The following EPB41L4A variants were observed in gnomAD, a reference collection of about 807,000 sequenced individuals.
EPB41L4A encodes band 4.1-like protein 4A.
In EPB41L4A, 100 loss-of-function variants were observed where a neutral mutation model predicts 108.6. The ratio of observed to expected loss-of-function variants is 0.92; its 90% confidence interval spans 0.78 to 1.09. EPB41L4A has a LOEUF of 1.09. Ranked by LOEUF, EPB41L4A falls within the 50% of genes least tolerant of loss-of-function variation. The probability of loss-of-function intolerance (pLI) is 0.00; values close to 1 mark genes in which losing one functional copy is unlikely to be tolerated. For synonymous variants in EPB41L4A, 319 were observed against 289.0 expected, an observed-to-expected ratio of 1.10 and a Z score of -1.05; for missense variants, 1,030 against 842.7, an observed-to-expected ratio of 1.22 and a Z score of -2.75.
At position 112,228,728 on chromosome 5, in the gene EPB41L4A, CAGAG is replaced by C. The variant is rs1167126623; in HGVS notation, c.1087+5902_1087+5905del. 5 of 985,314 alleles carry C rather than the reference CAGAG, an allele frequency of 5.1e-6. No homozygotes were observed. The Admixed American group carries it at 2.5e-4, about 48-fold the overall frequency. 61.0% of individuals were successfully genotyped at this position (985,314 alleles called of 1,614,324 possible). ...ACTGTGTGAGTTGCCAAGAACTTGT[CAGAG>C]AGAGGGTTGTAACAGGAGGGCACTT... On this transcript the variant is annotated intron_variant, in intron 12 of 22. Transcript: ENST00000261486.
intron 1 of EPB41L4A, among the ~76,000 whole-genome samples, chr5:112,360,541 C>A (rs1758656307): frequency 6.6e-6 from 1 of 152,228 alleles, no homozygotes; most frequent in Non-Finnish European, 1.5e-5. Context: ...TCCCGAGGTG[C>A]CGGGATTGCA....
chr5:112,234,929 G>C (rs1230487828), intron 11 of EPB41L4A, among the ~76,000 whole-genome samples, 174 bp from the exon 12 acceptor site: 1 of 152,120 alleles, frequency 6.6e-6, no homozygotes, highest in Non-Finnish European at 1.5e-5. Flanking sequence ...TTAAATTCTA[G>C]GAGGAGATTT....
chr5:112,199,952 C>T (rs1443910659), intron 15 of EPB41L4A, among the ~76,000 whole-genome samples: 3 of 152,230 alleles, frequency 2.0e-5, no homozygotes, highest in Non-Finnish European at 4.4e-5. Flanking sequence ...CATTTCTCCA[C>T]AGGACAGTGA....
intron 12 of EPB41L4A, among the ~76,000 whole-genome samples, chr5:112,214,591 A>G (rs1381672303): frequency 2.0e-5 from 3 of 152,046 alleles, no homozygotes; most frequent in East Asian, 1.9e-4. Context: ...GTGAAACCCC[A>G]TCTCTACTAA....
At chr5:112,200,950 A>G (rs186204199) in intron 15 of EPB41L4A, among the ~76,000 whole-genome samples, 1 of 152,352 alleles carries the variant, frequency 6.6e-6, no homozygotes, top group East Asian at 1.9e-4. Flanking sequence ...CCTGGTATCC[A>G]AAGCAAAATA....
chr5:112,168,598 T>G (rs1760387412), intron 22 of EPB41L4A, 141 bp downstream of exon 22: 1 of 653,806 alleles, frequency 1.5e-6, no homozygotes, highest in African/African-American at 1.8e-5. Context: ...TTTCTCCACG[T>G]TCTTTTAAAA....
At chr5:112,161,747 C>T (rs1759920491), downstream of EPB41L4A, 1 of 426,490 alleles carries the variant, frequency 2.3e-6, no homozygotes, top group Non-Finnish European at 4.7e-6. Flanking sequence ...TAGCTGAATA[C>T]CATCTGGGAG....
chr5:112,300,158 A>C (rs549856068), intron 2 of EPB41L4A, among the ~76,000 whole-genome samples: 1 of 152,268 alleles, frequency 6.6e-6, no homozygotes, highest in South Asian at 2.1e-4. Context: ...ATTAGTATTT[A>C]GATATGAGGT....
At chr5:112,242,978 C>G (rs546546739) in intron 9 of EPB41L4A, among the ~76,000 whole-genome samples, 14 of 152,224 alleles carry the variant, frequency 9.2e-5, no homozygotes, top group African/African-American at 2.9e-4. Context: ...CTTTGGGGAG[C>G]TGAGGCAGGC....
At chr5:112,178,821 G>T (rs1265004255) in intron 18 of EPB41L4A, among the ~76,000 whole-genome samples, 5 of 151,608 alleles carry the variant, frequency 3.3e-5, no homozygotes, top group Non-Finnish European at 7.4e-5. Context: ...AAGTAGAAAG[G>T]TTTAAAATAA....
intron 12 of EPB41L4A, among the ~76,000 whole-genome samples, chr5:112,226,015 G>C (rs1278024158): frequency 6.6e-6 from 1 of 152,170 alleles, no homozygotes; most frequent in African/African-American, 2.4e-5. Flanking sequence ...CATTAGTCCT[G>C]ACATTCCTCT....
At position 112,266,225 on chromosome 5, in the gene EPB41L4A, G is replaced by A. The variant is rs1288625669; in HGVS notation, c.433+8C>T. On this transcript the variant is annotated splice_region_variant and intron_variant, in intron 5 of 22. Transcript: ENST00000261486. ...TTTCTGAGGCAAATATGCTTAAGTG[G>A]CACCTACACTGGATGGCATACGCTC... The A allele has an allele frequency of 3.8e-6, 6 of 1,584,604 alleles. No homozygotes were observed. The highest frequency in any genetic ancestry group is 2.7e-5 in the African/African-American group (2 of 73,568).
chr5:112,235,460 G>A (rs1369767010), intron 11 of EPB41L4A, among the ~76,000 whole-genome samples: 1 of 152,162 alleles, frequency 6.6e-6, no homozygotes, highest in Admixed American at 6.5e-5. Context: ...TTGAGCAACT[G>A]AATGACCCTG....
chr5:112,248,911 G>A (rs1348802899), intron 9 of EPB41L4A, among the ~76,000 whole-genome samples: 1 of 151,984 alleles, frequency 6.6e-6, no homozygotes, highest in Non-Finnish European at 1.5e-5. Context: ...GCTCCTCCCT[G>A]TTTTTGTTTT....
intron 18 of EPB41L4A, among the ~76,000 whole-genome samples, chr5:112,178,596 CA>C (rs1028162299): frequency 3.3e-5 from 5 of 151,174 alleles, no homozygotes; most frequent in African/African-American, 1.2e-4. Context: ...TTTTTAACCA[CA>C]ATGGAATTAA....
chr5:112,168,838 T>C lies in EPB41L4A; in HGVS notation c.1851-18A>G. On this transcript the variant is annotated intron_variant, in intron 21 of 22. Transcript: ENST00000261486. ...TTTTTGAACTGCAGAGAATGAGTTT[T>C]AGAATTAGTGACTGGAACAGTATCT... 6.2e-7 allele frequency: 1 copy of C among 1,603,842 alleles called. No individual in the cohort carries two copies. The highest frequency in any genetic ancestry group is 8.5e-7 in the Non-Finnish European group (1 of 1,170,678).
At chr5:112,188,794 G>T (rs550024150) in intron 17 of EPB41L4A, among the ~76,000 whole-genome samples, 1 of 152,252 alleles carries the variant, frequency 6.6e-6, no homozygotes, top group African/African-American at 2.4e-5. Flanking sequence ...CAAGACGGAA[G>T]AAATGCCCAT....
chr5:112,358,572 T>C (rs149420538), intron 1 of EPB41L4A, among the ~76,000 whole-genome samples: 1 of 152,348 alleles, frequency 6.6e-6, no homozygotes, highest in East Asian at 1.9e-4. Context: ...ATGGCAAGGA[T>C]GCAGAGCAAC....
At chr5:112,318,245 A>G (rs2150613381) in intron 1 of EPB41L4A, among the ~76,000 whole-genome samples, 1 of 152,356 alleles carries the variant, frequency 6.6e-6, no homozygotes, top group South Asian at 2.1e-4. Context: ...CAACAAAATA[A>G]AACCAAAAGA....
Sources: allele counts gnomAD v4.1 joint callset (sites outside exome capture counted in the v4.1 genomes callset), GRCh38; gene constraint gnomAD v4.1.1; transcripts MANE v1.5; gene names NCBI Gene and HGNC (gene_info 2026-07-23, HGNC 2026-07-21).